The following BDP1 variants were observed in gnomAD, a reference collection of about 807,000 sequenced individuals.
BDP1 encodes the protein transcription factor TFIIIB component B'' homolog.
Under a neutral mutation model 266.6 loss-of-function variants are expected in BDP1, and 169 were observed. The ratio of observed to expected loss-of-function variants is 0.63; its 90% CI spans 0.56 to 0.72. BDP1 has a LOEUF of 0.72. BDP1 is among the 30% of genes least tolerant of loss of function. The pLI, the probability that BDP1 is intolerant of heterozygous loss-of-function variation, is 0.00. For synonymous variants in BDP1, 1,090 were observed against 1,022.4 expected, an observed-to-expected ratio of 1.07 and a Z score of -1.26; for missense variants, 3,015 against 3,053.8, an observed-to-expected ratio of 0.99 and a Z score of 0.30.
chr5:71,467,054 G>A (rs1422218418), intron 5 of BDP1, among the ~76,000 whole-genome samples: 2 of 152,070 alleles, frequency 1.3e-5, no homozygotes, highest in African/African-American at 2.4e-5. Context: ...GAATATCAAA[G>A]ACATGTGCAA....
At chr5:71,570,627 G>A (rs1744233968), downstream of BDP1, among the ~76,000 whole-genome samples, 3 of 152,256 alleles carry the variant, frequency 2.0e-5, no homozygotes, top group South Asian at 6.2e-4. Flanking sequence ...TCAATCCTTT[G>A]CTATGGCTTA....
chr5:71,461,928 T>C lies in BDP1; in HGVS notation c.599+2T>C. 1 of 1,318,790 alleles carries C rather than the reference T, an allele frequency of 7.6e-7. No individual in the cohort carries two copies. The highest frequency in any genetic ancestry group is 1.1e-6 in the Non-Finnish European group (1 of 928,716). The allele number at this position is 1,318,790 out of a possible 1,614,324, so 81.7% of individuals were successfully genotyped here. ...TCTACCAGATAATAATCCAATGACG[T>C]AAGTAAAATTTATTTCTGCTTTACT... On this transcript the variant is annotated splice_donor_variant, in intron 3 of 38. Transcript: ENST00000358731. LOFTEE classifies it high-confidence loss of function.
At position 71,471,329 on chromosome 5, in the gene BDP1, A is replaced by T. The variant is rs7723570; in HGVS notation, c.1014+840A>T. Among the ~76,000 whole-genome samples, 1,059 of 152,018 alleles carry T rather than the reference A, an allele frequency of 7.0e-3. 10 individuals carry two copies. The highest frequency in any genetic ancestry group is 0.025 in the African/African-American group (1,019 of 41,450). On this transcript the variant is annotated intron_variant, in intron 7 of 38. Transcript: ENST00000358731. Reference sequence around the variant, plus strand: ...AGCTAATTTTTTATTTTTCGTAGAGAGGGGGTTTTACCATGTTCGTCAGCC... The same window carrying T: ...AGCTAATTTTTTATTTTTCGTAGAGTGGGGGTTTTACCATGTTCGTCAGCC...
chr5:71,538,121 G>T (rs1766747485), intron 26 of BDP1, among the ~76,000 whole-genome samples: 1 of 152,076 alleles, frequency 6.6e-6, no homozygotes, highest in Admixed American at 6.6e-5. Context: ...GTTTTTCATT[G>T]TATTTTTTGG....
At chr5:71,534,583 TC>T (rs1766472758) in intron 26 of BDP1, among the ~76,000 whole-genome samples, 2 of 152,124 alleles carry the variant, frequency 1.3e-5, no homozygotes, top group South Asian at 4.1e-4. Context: ...CACTGCAAGC[TC>T]CGCCTCCTGG....
intron 13 of BDP1, among the ~76,000 whole-genome samples, chr5:71,497,873 C>T (rs935441182): frequency 4.6e-5 from 7 of 152,128 alleles, no homozygotes; most frequent in Admixed American, 2.0e-4. Context: ...TCTGCAGCCT[C>T]GAAATCCTGA....
intron 16 of BDP1, 40 bp downstream of exon 16, chr5:71,504,791 TA>T: frequency 6.3e-7 from 1 of 1,594,268 alleles, no homozygotes; most frequent in Non-Finnish European, 8.5e-7. Context: ...TTGGATTTTG[TA>T]AAAAGTTTTA....
In BDP1 at chr5:71,562,401, T is replaced by C. The variant is rs1246972834; in HGVS notation, c.7624T>C (p.Leu2542=). ...KPLIPGLRKK[L]KRSNPFNESQ... ...TCTTATACCTGGATTAAGAAAGAAATTGAAAAGATCTAATCCATTCAATGA... is the reference window on the plus strand; with the variant it reads ...TCTTATACCTGGATTAAGAAAGAAACTGAAAAGATCTAATCCATTCAATGA... Residue 2542 remains leucine, a synonymous_variant, in exon 38 of 39, where the codon TTG becomes CTG. Coordinates refer to ENST00000358731, the MANE Select transcript of BDP1 (RefSeq NM_018429.3). 2 of 1,613,712 alleles carry C rather than the reference T, an allele frequency of 1.2e-6. No homozygotes were observed. Among genetic ancestry groups the C allele is most frequent in the Admixed American group, 1.7e-5 (1 of 59,912 alleles).
intron 6 of BDP1, among the ~76,000 whole-genome samples, chr5:71,468,652 G>A (rs1002918948): frequency 6.7e-6 from 1 of 148,888 alleles, no homozygotes; most frequent in African/African-American, 2.5e-5. Context: ...TGTCGCCTAG[G>A]CTGGAGTGCG....
intron 22 of BDP1, among the ~76,000 whole-genome samples, chr5:71,518,335 A>T (rs1765328340): frequency 2.0e-5 from 3 of 152,356 alleles, no homozygotes; most frequent in South Asian, 4.1e-4. Context: ...TTTCTGGGAA[A>T]TGCAGAGGAG....
intron 22 of BDP1, 43 bp downstream of exon 22, chr5:71,517,495 TAA>T (rs1391181240): frequency 1.3e-6 from 2 of 1,507,176 alleles, no homozygotes; most frequent in Non-Finnish European, 1.8e-6. Flanking sequence ...TTTTCAAAGA[TAA>T]AAGTTATATT....
At chr5:71,495,476 G>T in intron 12 of BDP1, 68 bp downstream of exon 12, 1 of 1,088,464 alleles carries the variant, frequency 9.2e-7, no homozygotes. Context: ...TAATAATGTT[G>T]CTTCATTTAG....
At position 71,522,875 on chromosome 5, in the gene BDP1, G is replaced by A; in HGVS notation, c.5313G>A (p.Arg1771=). 6.2e-7 allele frequency: 1 copy of A among 1,613,152 alleles called. No homozygotes were observed. The highest frequency in any genetic ancestry group is 8.5e-7 in the Non-Finnish European group (1 of 1,179,566). The change falls in exon 24 of 39, where the codon AGG becomes AGA. Residue 1771 remains arginine, a synonymous_variant. Coordinates refer to ENST00000358731, the MANE Select transcript of BDP1 (RefSeq NM_018429.3). ...TAGAAGAAGTTGGACCATCAAGAAG[G>A]GTTGGAGAGGAAACTGTAGGAGATA... ...AELEEVGPSR[R]VGEETVGDNS... is the part of the protein sequence containing the mutation.
intron 29 of BDP1, 92 bp from the exon 30 acceptor site, chr5:71,542,008 AACAGG>A: frequency 1.0e-6 from 1 of 966,688 alleles, no homozygotes; most frequent in Non-Finnish European, 1.5e-6. Flanking sequence ...TGTGGCACCT[AACAGG>A]TCATTCACTC....
Position 71,504,737 on chromosome 5 carries a change from T to C in BDP1, c.2358T>C (p.Leu786=). ...QNVQPDEPKV[L]NECLSVQENN... is the part of the protein sequence containing the mutation. ...TGCAGCCAGATGAGCCCAAGGTTCT[T>C]AATGAATGTCTAAGGTAAGCATCAT... The change falls in exon 16 of 39, where the codon CTT becomes CTC. Residue 786 remains leucine, a synonymous_variant. Transcript: ENST00000358731. 1.2e-6 allele frequency: 2 copies of C among 1,613,410 alleles called. No homozygotes were observed. Among genetic ancestry groups the C allele is most frequent in the African/African-American group, 1.3e-5 (1 of 75,042 alleles).
At chr5:71,504,806 CTCAA>C (rs1764484929) in intron 16 of BDP1, 55 bp downstream of exon 16, 2 of 1,566,936 alleles carry the variant, frequency 1.3e-6, no homozygotes, top group East Asian at 2.3e-5. Flanking sequence ...AGTTTTAGAA[CTCAA>C]TCAGTTTTTT....
At chr5:71,499,300 A>G (rs1203011736) in intron 13 of BDP1, among the ~76,000 whole-genome samples, 1 of 152,140 alleles carries the variant, frequency 6.6e-6, no homozygotes, top group African/African-American at 2.4e-5. Flanking sequence ...AGGTTTCACC[A>G]TATTGAGCCA....
At chr5:71,486,450 A>G in intron 8 of BDP1, 34 bp from the exon 9 acceptor site, 1 of 1,522,964 alleles carries the variant, frequency 6.6e-7, no homozygotes, top group Non-Finnish European at 8.7e-7. Flanking sequence ...TTAAAAATAA[A>G]AACTTGAAAG....
chr5:71,569,462 T>G (rs1291202915), downstream of BDP1, among the ~76,000 whole-genome samples: 1 of 151,582 alleles, frequency 6.6e-6, no homozygotes, highest in Non-Finnish European at 1.5e-5. Flanking sequence ...TAAAAAATAA[T>G]AGGGCCAGGC....
Sources: gnomAD v4.1 joint callset for allele counts (sites outside exome capture counted in the v4.1 genomes callset) on GRCh38, gnomAD v4.1.1 for gene constraint, MANE v1.5 for transcripts, NCBI Gene and HGNC (gene_info 2026-07-23, HGNC 2026-07-21) for gene names.